MYBPC1: variants seen among roughly 807,000 people sequenced by gnomAD.
MYBPC1 encodes myosin binding protein C1.
MYBPC1 carries 52 observed loss-of-function variants against 147.1 expected under a neutral mutation model. The observed-to-expected ratio is 0.35, with a 90% CI of 0.28 to 0.45. MYBPC1 has a LOEUF of 0.45. MYBPC1 is among the 20% of genes least tolerant of loss of function. The pLI, the probability that MYBPC1 is intolerant of heterozygous loss-of-function variation, is 1.00. For missense variants in MYBPC1, 1,228 were observed against 1,440.3 expected, an observed-to-expected ratio of 0.85 and a Z score of 2.39; for synonymous variants, 477 against 475.9, an observed-to-expected ratio of 1.00 and a Z score of -0.03.
chr12:101,639,202 A>G (rs1891556395), intron 10 of MYBPC1, among the ~76,000 whole-genome samples: 4 of 152,236 alleles, frequency 2.6e-5, no homozygotes, highest in South Asian at 4.1e-4. Context: ...TAAAATTTCT[A>G]TAACTGTTAT....
chr12:101,695,211 G>A, the MYBPC1 span, among the ~76,000 whole-genome samples: 11 of 152,176 alleles, frequency 7.2e-5, no homozygotes. Flanking sequence ...CATATTCCAA[G>A]ACCCACAACT....
chr12:101,659,387 C>CAA (rs1896135558), intron 18 of MYBPC1, among the ~76,000 whole-genome samples: 1 of 152,138 alleles, frequency 6.6e-6, no homozygotes, highest in Non-Finnish European at 1.5e-5. Flanking sequence ...AATCCCATTT[C>CAA]TGCTACTTCC....
At chr12:101,666,588 C>G (rs546194280) in intron 22 of MYBPC1, 10 of 728,252 alleles carry the variant, frequency 1.4e-5, no homozygotes, top group African/African-American at 5.2e-5. Context: ...GAGGAACCCC[C>G]CTAACACCGT....
At chr12:101,642,221 C>T (rs1166382135) in intron 10 of MYBPC1, among the ~76,000 whole-genome samples, 198 bp from the exon 11 acceptor site, 1 of 152,204 alleles carries the variant, frequency 6.6e-6, no homozygotes, top group Non-Finnish European at 1.5e-5. Flanking sequence ...TAAGGGCACA[C>T]ATTTGATCTT....
intron 1 of MYBPC1, among the ~76,000 whole-genome samples, chr12:101,597,252 A>T (rs1029025509): frequency 2.6e-5 from 4 of 152,194 alleles, no homozygotes; most frequent in African/African-American, 9.7e-5. Context: ...TCATTTCAAA[A>T]TACCTGCAGA....
At chr12:101,634,698 A>G in intron 9 of MYBPC1, 93 bp downstream of exon 9, 1 of 1,007,942 alleles carries the variant, frequency 9.9e-7, no homozygotes, top group South Asian at 1.3e-5. Flanking sequence ...TCCGTATTCC[A>G]AATACGAACA....
chr12:101,639,033 T>A (rs1891523322), intron 10 of MYBPC1, among the ~76,000 whole-genome samples: 1 of 152,150 alleles, frequency 6.6e-6, no homozygotes, highest in South Asian at 2.1e-4. Context: ...GAAAAAAAAA[T>A]ATGATTAAAA....
intron 12 of MYBPC1, 117 bp from the exon 13 acceptor site, chr12:101,646,646 A>C (rs893782149): frequency 5.4e-5 from 67 of 1,247,756 alleles, no homozygotes; most frequent in African/African-American, 1.8e-4. Context: ...CTCAAAAAAA[A>C]ACAACAGATC....
chr12:101,602,363 C>G (rs61937489), intron 1 of MYBPC1, among the ~76,000 whole-genome samples: 1 of 151,982 alleles, frequency 6.6e-6, no homozygotes, highest in South Asian at 2.1e-4. Flanking sequence ...TACAGGCATG[C>G]GCCACCACGC....
chr12:101,692,459 C>A, the MYBPC1 span, among the ~76,000 whole-genome samples: 3 of 152,152 alleles, frequency 2.0e-5, no homozygotes, highest in Non-Finnish European at 2.9e-5. Flanking sequence ...TCAGACTACA[C>A]GGGCTTGAAT....
intron 20 of MYBPC1, 115 bp from the exon 21 acceptor site, chr12:101,662,243 A>T: frequency 1.2e-6 from 1 of 832,126 alleles, no homozygotes; most frequent in Non-Finnish European, 1.9e-6. Context: ...TACATATATG[A>T]CTATTTCACA....
intron 14 of MYBPC1, among the ~76,000 whole-genome samples, chr12:101,648,873 G>A (rs1027014272): frequency 6.6e-6 from 1 of 152,160 alleles, no homozygotes; most frequent in Non-Finnish European, 1.5e-5. Flanking sequence ...TACACAGCAG[G>A]ATTTGTAGTA....
chr12:101,689,650 AAG>A (rs140898747), downstream of MYBPC1, among the ~76,000 whole-genome samples: 843 of 152,304 alleles, frequency 5.5e-3, 2 homozygotes, highest in Non-Finnish European at 7.6e-3. Flanking sequence ...AAAATCTAGA[AAG>A]AGATTAATTA....
At chr12:101,670,924 A>C (rs1018414299) in intron 24 of MYBPC1, among the ~76,000 whole-genome samples, 3 of 152,148 alleles carry the variant, frequency 2.0e-5, no homozygotes, top group African/African-American at 7.2e-5. Flanking sequence ...CAGCAAAAGA[A>C]TCTGTTCTTC....
chr12:101,670,277 A>G (rs777147543), intron 23 of MYBPC1, 44 bp from the exon 24 acceptor site: 2 of 1,525,376 alleles, frequency 1.3e-6, no homozygotes, highest in Non-Finnish European at 1.8e-6. Context: ...CTATTTTCAG[A>G]CACCAGACTG....
At chr12:101,632,223 G>A (rs1890059382) in intron 8 of MYBPC1, 85 bp downstream of exon 8, 3 of 952,770 alleles carry the variant, frequency 3.1e-6, no homozygotes, top group Non-Finnish European at 5.2e-6. Context: ...TTAATACTAT[G>A]AGATTTCAGA....
At chr12:101,607,676 G>A (rs1882743648) in intron 1 of MYBPC1, among the ~76,000 whole-genome samples, 1 of 151,846 alleles carries the variant, frequency 6.6e-6, no homozygotes, top group Non-Finnish European at 1.5e-5. Context: ...TGCTCTCCAT[G>A]CTATAAAAAA....
chr12:101,637,053 G>C (rs1891151632), intron 10 of MYBPC1: 13 of 60,728 alleles, frequency 2.1e-4, no homozygotes, highest in East Asian at 6.1e-4. Flanking sequence ...CATATGATTT[G>C]GTAGAAGTCT....
intron 2 of MYBPC1, among the ~76,000 whole-genome samples, chr12:101,615,702 C>T (rs1328561589): frequency 1.8e-5 from 2 of 112,654 alleles, no homozygotes; most frequent in African/African-American, 7.0e-5. Flanking sequence ...TATGTGATTA[C>T]TTGTGAGTTG....
Sources: allele counts gnomAD v4.1 joint callset (sites outside exome capture counted in the v4.1 genomes callset), GRCh38; gene constraint gnomAD v4.1.1; transcripts MANE v1.5; gene names NCBI Gene and HGNC (gene_info 2026-07-23, HGNC 2026-07-21).